Variants in ALMS1 observed in about 807,000 individuals in gnomAD.
The protein encoded by ALMS1 is ALMS1 centrosome and basal body associated protein.
A neutral mutation model predicts 352.2 loss-of-function variants in ALMS1; 271 were observed. That is an observed-to-expected ratio of 0.77 (90% CI 0.70 to 0.85). The LOEUF is 0.85. Ranked by LOEUF, ALMS1 falls within the 40% of genes least tolerant of loss-of-function variation. The probability of loss-of-function intolerance (pLI) is 0.00; values close to 1 mark genes in which losing one functional copy is unlikely to be tolerated. For missense variants in ALMS1, 5,445 were observed against 4,870.7 expected, an observed-to-expected ratio of 1.12 and a Z score of -3.51; for synonymous variants, 1,865 against 1,761.2, an observed-to-expected ratio of 1.06 and a Z score of -1.48.
intron 12 of ALMS1, among the ~76,000 whole-genome samples, chr2:73,538,359 A>G (rs1674077982): frequency 6.6e-6 from 1 of 152,138 alleles, no homozygotes; most frequent in Admixed American, 6.5e-5. Context: ...GTAAGATACC[A>G]CTTCACACCC....
Position 73,451,188 on chromosome 2 carries a change from C to G in ALMS1, c.4661C>G (p.Pro1554Arg). The G allele has an allele frequency of 1.9e-6, 3 of 1,614,068 alleles. No homozygotes were observed. The highest frequency in any genetic ancestry group is 2.5e-6 in the Non-Finnish European group (3 of 1,179,972). Residue 1554 changes from proline to arginine, a missense_variant, in exon 8 of 23, where the codon CCT becomes CGT. Pro to Arg is a moderately radical substitution (Grantham distance 103, BLOSUM62 -2). Coordinates refer to ENST00000613296, the MANE Select transcript of ALMS1 (RefSeq NM_001378454.1). ...PEEALRVSSA[P>R]GPADQTTGIP... ...GAGGCTCTCAGAGTTTCTTCTGCTC[C>G]TGGACCAGCTGACCAGACAACTGGC...
In ALMS1 at chr2:73,490,713, T is replaced by A. The variant is rs773125829; in HGVS notation, c.8754T>A (p.Leu2918=). 3.1e-6 allele frequency: 5 copies of A among 1,614,052 alleles called. No homozygotes were observed. Among genetic ancestry groups the A allele is most frequent in the African/African-American group, 2.7e-5 (2 of 74,932 alleles). The change falls in exon 10 of 23, where the codon CTT becomes CTA. Residue 2918 remains leucine (L), a synonymous_variant. Transcript: ENST00000613296. ...PQHQDYVAPD[L]PSCIFLEQRE... ...ATCAGGATTATGTAGCTCCAGACCT[T>A]CCTTCTTGCATTTTTCTTGAACAAC...
chr2:73,485,602 C>A (rs1672818408), intron 9 of ALMS1, among the ~76,000 whole-genome samples: 1 of 152,230 alleles, frequency 6.6e-6, no homozygotes, highest in African/African-American at 2.4e-5. Context: ...TGGGCTCCAC[C>A]CAGTTCGAGC....
intron 5 of ALMS1, among the ~76,000 whole-genome samples, chr2:73,425,306 G>A (rs983740989): frequency 9.2e-5 from 14 of 152,214 alleles, no homozygotes; most frequent in Admixed American, 2.6e-4. Flanking sequence ...TTGAACTAAC[G>A]GAGACTAGAA....
At position 73,452,342 on chromosome 2, in the gene ALMS1, A is replaced by C; in HGVS notation, c.5815A>C (p.Ser1939Arg). 1 of 1,614,074 alleles carries C rather than the reference A, an allele frequency of 6.2e-7. No individual in the cohort carries two copies. Among genetic ancestry groups the C allele is most frequent in the Non-Finnish European group, 8.5e-7 (1 of 1,180,000 alleles). The change falls in exon 8 of 23, where the codon AGT becomes CGT. Residue 1939 changes from serine (S) to arginine (R), a missense_variant. Coordinates refer to ENST00000613296, the MANE Select transcript of ALMS1 (RefSeq NM_001378454.1). ...GACTGAGATACCAACAGTACCTTTA[A>C]GTTACTACTCACGTAGAGAGAAGCC... ...RKTEIPTVPL[S>R]YYSRREKPSV...
At chr2:73,461,218 C>T (rs1441866621) in intron 9 of ALMS1, among the ~76,000 whole-genome samples, 5 of 152,228 alleles carry the variant, frequency 3.3e-5, no homozygotes, top group South Asian at 2.1e-4. Flanking sequence ...CTCACACGAC[C>T]GGGTACTCCT....
At chr2:73,553,866 A>C (rs1475055003) in intron 13 of ALMS1, among the ~76,000 whole-genome samples, 4 of 152,180 alleles carry the variant, frequency 2.6e-5, no homozygotes. Flanking sequence ...CAGAACTGAA[A>C]GATGTGAGAT....
At chr2:73,522,587 G>A (rs747155883) in intron 11 of ALMS1, among the ~76,000 whole-genome samples, 4 of 149,504 alleles carry the variant, frequency 2.7e-5, no homozygotes, top group African/African-American at 4.9e-5. Context: ...TCCTGCCTCA[G>A]CCTCCCAAGT....
In ALMS1 at chr2:73,453,761, A is replaced by C; in HGVS notation, c.7234A>C (p.Lys2412Gln). The change falls in exon 8 of 23, where the codon AAA (lysine) becomes CAA (glutamine). Residue 2412 changes from lysine (K) to glutamine (Q), a missense_variant. By Grantham distance (53) the Lys-to-Gln change is moderately conservative. Transcript: ENST00000613296. Reference protein sequence around the residue: ...KIIIPMMTVIKSDSSSDASDG... With the variant: ...KIIIPMMTVIQSDSSSDASDG... ...TATTATCCCTATGATGACTGTCATAAAAAGTGATTCAAGTAGTGATGCCAG... is the reference window on the plus strand; with the variant it reads ...TATTATCCCTATGATGACTGTCATACAAAGTGATTCAAGTAGTGATGCCAG... 6.2e-7 allele frequency: 1 copy of C among 1,614,164 alleles called. No homozygotes were observed. The highest frequency in any genetic ancestry group is 8.5e-7 in the Non-Finnish European group (1 of 1,180,018).
intron 17 of ALMS1, among the ~76,000 whole-genome samples, chr2:73,600,348 G>T (rs114039696): frequency 6.6e-6 from 1 of 151,988 alleles, no homozygotes; most frequent in African/African-American, 2.4e-5. Flanking sequence ...CCTTACCTGC[G>T]TGACTACCAA....
intron 20 of ALMS1, 38 bp downstream of exon 20, chr2:73,602,406 G>C: frequency 6.2e-7 from 1 of 1,612,106 alleles, no homozygotes; most frequent in Non-Finnish European, 8.5e-7. Flanking sequence ...GAGTGGAATA[G>C]AGAAGGCAAG....
At chr2:73,492,491 A>G (rs1673011960) in intron 10 of ALMS1, among the ~76,000 whole-genome samples, 1 of 152,164 alleles carries the variant, frequency 6.6e-6, no homozygotes, top group African/African-American at 2.4e-5. Flanking sequence ...AATCAGAGTA[A>G]GGATTTGTTC....
At chr2:73,586,998 T>G (rs375850282) in intron 16 of ALMS1, among the ~76,000 whole-genome samples, 1,443 of 136,754 alleles carry the variant, frequency 0.011, 27 homozygotes, top group African/African-American at 0.038. Flanking sequence ...AGGTTTTGTG[T>G]TTTTTTTTGT....
chr2:73,464,252 C>G (rs903062556), intron 9 of ALMS1, among the ~76,000 whole-genome samples: 24 of 152,224 alleles, frequency 1.6e-4, no homozygotes, highest in Non-Finnish European at 2.9e-4. Flanking sequence ...CCACCATGAT[C>G]AAGTGGGCTT....
At chr2:73,543,332 G>A (rs1674235708) in intron 12 of ALMS1, among the ~76,000 whole-genome samples, 2 of 152,294 alleles carry the variant, frequency 1.3e-5, no homozygotes, top group Non-Finnish European at 2.9e-5. Flanking sequence ...GCTGAAAGTG[G>A]ATCCCTTCCT....
intron 16 of ALMS1, among the ~76,000 whole-genome samples, chr2:73,585,416 CAG>C (rs1376980753): frequency 1.1e-4 from 14 of 122,360 alleles, no homozygotes; most frequent in African/African-American, 4.5e-4. Flanking sequence ...TTTTTTGAGA[CAG>C]AGTCTCACTC....
intron 7 of ALMS1, among the ~76,000 whole-genome samples, chr2:73,443,118 T>C (rs1671749226): frequency 6.6e-6 from 1 of 152,192 alleles, no homozygotes; most frequent in Non-Finnish European, 1.5e-5. Context: ...CTGCCACTTA[T>C]TTTCAGTATT....
chr2:73,425,203 C>T (rs1465185501), intron 5 of ALMS1, among the ~76,000 whole-genome samples: 2 of 152,082 alleles, frequency 1.3e-5, no homozygotes, highest in Non-Finnish European at 2.9e-5. Context: ...TATTTAAGGG[C>T]TCCAGCTGAG....
chr2:73,494,321 T>C lies in ALMS1; in HGVS notation c.9539+2823T>C, dbSNP rs367971175. On this transcript the variant is annotated intron_variant, in intron 10 of 22. Transcript: ENST00000613296. ...CCTGAATACCAGGAGGTAGATGTCA[T>C]TGGGGGATATGTTAGAGGTTGTCCA... Among the ~76,000 whole-genome samples, 30 of 152,318 alleles carry C rather than the reference T, an allele frequency of 2.0e-4. 1 individual carries two copies. The South Asian group carries it at 2.9e-3, about 15-fold the overall frequency.
Sources: gnomAD v4.1 joint callset for allele counts (sites outside exome capture counted in the v4.1 genomes callset) on GRCh38, gnomAD v4.1.1 for gene constraint, MANE v1.5 for transcripts, NCBI Gene and HGNC (gene_info 2026-07-23, HGNC 2026-07-21) for gene names.